Variants in KCNH8 observed in about 807,000 individuals in gnomAD.
KCNH8 encodes the protein potassium voltage-gated channel subfamily H member 8.
KCNH8 carries 70 observed loss-of-function variants against 103.6 expected under a neutral mutation model. The observed-to-expected ratio is 0.68, with a 90% confidence interval of 0.56 to 0.82. The LOEUF is 0.82. KCNH8 is among the 40% of genes least tolerant of loss of function. The pLI is 0.00. For missense variants in KCNH8, 1,217 were observed against 1,329.9 expected (o/e 0.92, Z 1.32); for synonymous variants, 498 against 489.4 (o/e 1.02, Z -0.23).
At position 19,501,402 on chromosome 3, in the gene KCNH8, G is replaced by A. The variant is rs2068579929; in HGVS notation, c.2041-8961G>A. ...AACTATTCCAATCAACAGAAAAAGA[G>A]GGAATCCTCCCTAACTCATTTTATG... On this transcript the variant is annotated intron_variant, in intron 11 of 15. Transcript: ENST00000328405. Among the ~76,000 whole-genome samples the A allele has an allele frequency of 5.9e-5, 9 of 152,102 alleles. No individual in the cohort carries two copies. The South Asian group carries it at 1.5e-3, about 25-fold the overall frequency.
At chr3:19,402,670 C>G (rs1435442371) in intron 7 of KCNH8, among the ~76,000 whole-genome samples, 1 of 151,860 alleles carries the variant, frequency 6.6e-6, no homozygotes, top group African/African-American at 2.4e-5. Context: ...CTGATCCTAG[C>G]ATGGATGTAG....
At chr3:19,513,952 T>A (rs2068830213) in intron 13 of KCNH8, among the ~76,000 whole-genome samples, 1 of 152,038 alleles carries the variant, frequency 6.6e-6, no homozygotes, top group Non-Finnish European at 1.5e-5. Flanking sequence ...ATAGCCATCA[T>A]CAAAATCACA....
At chr3:19,506,047 C>T (rs780279825) in intron 11 of KCNH8, among the ~76,000 whole-genome samples, 2 of 152,166 alleles carry the variant, frequency 1.3e-5, no homozygotes, top group Non-Finnish European at 2.9e-5. Flanking sequence ...CATCCATCAG[C>T]TCCTGAATCA....
intron 3 of KCNH8, among the ~76,000 whole-genome samples, chr3:19,309,316 G>A (rs1267073333): frequency 6.6e-6 from 1 of 151,830 alleles, no homozygotes; most frequent in Non-Finnish European, 1.5e-5. Flanking sequence ...AGTTACCAAG[G>A]GATGGAGAAG....
intron 11 of KCNH8, among the ~76,000 whole-genome samples, chr3:19,501,755 A>C (rs1172952475): frequency 6.6e-6 from 1 of 152,220 alleles, no homozygotes; most frequent in Non-Finnish European, 1.5e-5. Context: ...TCAATAAATT[A>C]GGTATTGATG....
chr3:19,508,134 A>G (rs2068727629), intron 11 of KCNH8, among the ~76,000 whole-genome samples: 1 of 152,040 alleles, frequency 6.6e-6, no homozygotes, highest in African/African-American at 2.4e-5. Flanking sequence ...GTGCTGCTGG[A>G]TTCATTTTGC....
At chr3:19,189,898 A>G (rs984902390) in intron 1 of KCNH8, among the ~76,000 whole-genome samples, 1 of 152,070 alleles carries the variant, frequency 6.6e-6, no homozygotes, top group African/African-American at 2.4e-5. Context: ...CTACTTAGAT[A>G]GATTCATTTA....
chr3:19,390,377 C>T (rs2125130627), intron 5 of KCNH8, 104 bp from the exon 6 acceptor site: 2 of 835,392 alleles, frequency 2.4e-6, no homozygotes, highest in Non-Finnish European at 3.7e-6. Flanking sequence ...GCTTGTTTGC[C>T]TGCCTGTCTC....
intron 7 of KCNH8, among the ~76,000 whole-genome samples, chr3:19,405,234 T>C (rs2066673683): frequency 6.6e-6 from 1 of 151,928 alleles, no homozygotes; most frequent in South Asian, 2.1e-4. Context: ...ATTTCTTAAG[T>C]ATATTTTTAA....
chr3:19,498,925 G>A (rs909702896), intron 11 of KCNH8, among the ~76,000 whole-genome samples: 29 of 152,132 alleles, frequency 1.9e-4, no homozygotes, highest in Admixed American at 3.3e-4. Context: ...ACTTGAGGAG[G>A]CAGTCTGCCC....
rs940655956 is a variant in KCNH8 at position 19,415,721 on chromosome 3, C to A, written c.1177+20410C>A. On this transcript the variant is annotated intron_variant, in intron 7 of 15. Coordinates refer to ENST00000328405, the MANE Select transcript of KCNH8 (RefSeq NM_144633.3). ...TGGTGCAAAAGTAATTTTGCCATTT[C>A]TTTAATGCAATGTAAAAACAACAAT... Among the ~76,000 whole-genome samples, 8 of 152,114 alleles carry A rather than the reference C, an allele frequency of 5.3e-5. No individual in the cohort carries two copies. In the East Asian group the frequency reaches 1.4e-3, roughly 26 times the overall value.
intron 2 of KCNH8, among the ~76,000 whole-genome samples, chr3:19,266,731 A>G (rs56119766): frequency 3.6e-4 from 55 of 152,220 alleles, no homozygotes; most frequent in African/African-American, 1.3e-3. Flanking sequence ...TCCATGTTAG[A>G]ATAGCCTTGA....
intron 5 of KCNH8, among the ~76,000 whole-genome samples, chr3:19,376,405 T>C (rs1270232567): frequency 1.2e-4 from 19 of 152,298 alleles, no homozygotes; most frequent in Non-Finnish European, 2.4e-4. Context: ...GAAAGGGAAC[T>C]CCCTGACCCC....
chr3:19,264,988 A>G (rs1393036849), intron 2 of KCNH8, among the ~76,000 whole-genome samples: 1 of 151,918 alleles, frequency 6.6e-6, no homozygotes, highest in African/African-American at 2.4e-5. Context: ...AGCCCATGAC[A>G]CTCCCTCACC....
chr3:19,171,271 T>G (rs1394699224), intron 1 of KCNH8, among the ~76,000 whole-genome samples: 1 of 152,124 alleles, frequency 6.6e-6, no homozygotes, highest in Non-Finnish European at 1.5e-5. Flanking sequence ...TAAACATAAG[T>G]TTTCAAAAAA....
rs192104286 is a variant in KCNH8 at position 19,503,306 on chromosome 3, A to G, written c.2041-7057A>G. On this transcript the variant is annotated intron_variant, in intron 11 of 15. Coordinates refer to ENST00000328405, the MANE Select transcript of KCNH8 (RefSeq NM_144633.3). The stretch of plus-strand genomic sequence containing the variant: ...GGTGCTGGAGAGGATGTGGAGAAAT[A>G]GGAACACTTTTACACTGTTGGTGGG... 8.5e-3 allele frequency among the ~76,000 whole-genome samples: 1,289 copies of G among 152,262 alleles called. 15 individuals are homozygous for G. The highest frequency in any genetic ancestry group is 0.02 in the South Asian group (95 of 4,812).
At chr3:19,482,531 T>G (rs1177746509) in intron 11 of KCNH8, among the ~76,000 whole-genome samples, 1 of 152,218 alleles carries the variant, frequency 6.6e-6, no homozygotes, top group Non-Finnish European at 1.5e-5. Context: ...GCAGTGAAGC[T>G]TTTTATCATT....
At chr3:19,472,576 C>T (rs1204574588) in intron 11 of KCNH8, among the ~76,000 whole-genome samples, 2 of 152,144 alleles carry the variant, frequency 1.3e-5, no homozygotes, top group Non-Finnish European at 2.9e-5. Flanking sequence ...GATTGTGAGG[C>T]CTCCCCAGCC....
rs762448883 is a variant in KCNH8 at position 19,450,225 on chromosome 3, T to C, written c.1495T>C (p.Leu499=). The change falls in exon 9 of 16, where the codon TTG becomes CTG. Residue 499 remains leucine (L), a synonymous_variant. Coordinates refer to ENST00000328405, the MANE Select transcript of KCNH8 (RefSeq NM_144633.3). ...GAAAGATTTCATCCGTGTCCATCAC[T>C]TGCCCCAACAACTCAAGCAGAGGAT... ...DLKDFIRVHH[L]PQQLKQRMLE... The C allele has an allele frequency of 1.9e-6, 3 of 1,613,718 alleles. No homozygotes were observed. Among genetic ancestry groups the C allele is most frequent in the South Asian group, 2.2e-5 (2 of 91,074 alleles).
Sources: gnomAD v4.1 joint callset for allele counts (sites outside exome capture counted in the v4.1 genomes callset) on GRCh38, gnomAD v4.1.1 for gene constraint, MANE v1.5 for transcripts, NCBI Gene and HGNC (gene_info 2026-07-23, HGNC 2026-07-21) for gene names.